CAMTA1: variants seen among roughly 807,000 people sequenced by gnomAD.
CAMTA1 encodes the protein calmodulin-binding transcription activator 1.
Under a neutral mutation model 170.9 loss-of-function variants are expected in CAMTA1, and 27 were observed. The observed-to-expected ratio is 0.16, with a 90% CI of 0.12 to 0.22. CAMTA1 has a LOEUF of 0.22. Among genes scored for constraint, CAMTA1 ranks in the 10% least tolerant of loss-of-function variants. CAMTA1 has a pLI of 1.00. For synonymous variants in CAMTA1, 833 were observed against 891.5 expected, an observed-to-expected ratio of 0.93 and a Z score of 1.17; for missense variants, 1,619 against 2,217.2, an observed-to-expected ratio of 0.73 and a Z score of 5.42.
At chr1:6,856,859 C>T (rs1662601082) in intron 3 of CAMTA1, among the ~76,000 whole-genome samples, 1 of 151,958 alleles carries the variant, frequency 6.6e-6, no homozygotes, top group South Asian at 2.1e-4. Context: ...GGAGGGGAGG[C>T]TTGCGGGCAG....
chr1:7,324,533 CT>C (rs1678982764), intron 5 of CAMTA1, among the ~76,000 whole-genome samples: 1 of 152,086 alleles, frequency 6.6e-6, no homozygotes, highest in Non-Finnish European at 1.5e-5. Flanking sequence ...TGCATGTGAT[CT>C]TTTTTCTTTC....
rs368518649 is a variant in CAMTA1 at position 7,173,678 on chromosome 1, G to A, written c.303-75813G>A. Among the ~76,000 whole-genome samples, 4 of 151,348 alleles carry A rather than the reference G, an allele frequency of 2.6e-5. No homozygotes were observed. Among genetic ancestry groups the A allele is most frequent in the African/African-American group, 4.9e-5 (2 of 41,162 alleles). On this transcript the variant is annotated intron_variant, in intron 4 of 22. Transcript: ENST00000303635. The surrounding 1 kb of genome is among the most constrained non-coding windows in gnomAD (Gnocchi z 5.4). ...GCTGAGATTACAGGCGTGAGCCACCGTGCCCAGCCCAGAGCTTAATTTTTT... is the reference window on the plus strand; with the variant it reads ...GCTGAGATTACAGGCGTGAGCCACCATGCCCAGCCCAGAGCTTAATTTTTT...
Position 7,493,997 on chromosome 1 carries a change from C to T in CAMTA1, c.510+26096C>T, listed in dbSNP as rs999651814. Among the ~76,000 whole-genome samples the T allele has an allele frequency of 3.3e-5, 5 of 152,202 alleles. No homozygotes were observed. In the East Asian group the frequency reaches 7.7e-4, roughly 24 times the overall value. ...CTCCTGCCCATCTCGGGAGGGCTAG[C>T]GGGGTAATTTAGGATGGTTGCCACT... On this transcript the variant is annotated intron_variant, in intron 6 of 22. Transcript: ENST00000303635.
At chr1:7,764,057 G>T (rs2096997675) in intron 22 of CAMTA1, among the ~76,000 whole-genome samples, 2 of 152,072 alleles carry the variant, frequency 1.3e-5, no homozygotes, top group Admixed American at 6.6e-5. Flanking sequence ...TGTTAGTATA[G>T]ATATTGCATG....
At chr1:7,686,796 G>A (rs1044842260) in intron 11 of CAMTA1, among the ~76,000 whole-genome samples, 3 of 152,152 alleles carry the variant, frequency 2.0e-5, no homozygotes. Context: ...GACAGGGTGG[G>A]TTTGGGGTTG....
Position 7,639,192 on chromosome 1 carries a change from G to T in CAMTA1, c.511-1208G>T, listed in dbSNP as rs564807160. ...GATGGGGTTTCACCGTGTTAGCCAG[G>T]ATGGTCTCGATCTTCTGACCTCGTG... On this transcript the variant is annotated intron_variant, in intron 6 of 22. Coordinates refer to ENST00000303635, the MANE Select transcript of CAMTA1 (RefSeq NM_015215.4). Among the ~76,000 whole-genome samples the T allele has an allele frequency of 3.3e-5, 5 of 151,822 alleles. No homozygotes were observed. In the South Asian group the frequency reaches 1.0e-3, roughly 32 times the overall value.
intron 3 of CAMTA1, among the ~76,000 whole-genome samples, chr1:6,929,761 T>C (rs1299671571): frequency 6.6e-6 from 1 of 152,168 alleles, no homozygotes; most frequent in African/African-American, 2.4e-5. Flanking sequence ...CCTCCCAAAG[T>C]GTTGGGATTA....
At chr1:6,962,129 G>A (rs1274179939) in intron 3 of CAMTA1, among the ~76,000 whole-genome samples, 1 of 152,206 alleles carries the variant, frequency 6.6e-6, no homozygotes, top group Non-Finnish European at 1.5e-5. Flanking sequence ...TCATGCCTCT[G>A]CCGGGGCCCC....
In CAMTA1 at chr1:7,044,523, G is replaced by T. The variant is rs564545881; in HGVS notation, c.235-46781G>T. ...CACCAGGCCTTCAGCAGGGCCATAA[G>T]CATCTGAGGCTAGGAAGGCACATGC... On this transcript the variant is annotated intron_variant, in intron 3 of 22. Transcript: ENST00000303635. The surrounding 1 kb of genome is among the most constrained non-coding windows in gnomAD (Gnocchi z 5.0). Among the ~76,000 whole-genome samples, 6 of 152,322 alleles carry T rather than the reference G, an allele frequency of 3.9e-5. No homozygotes were observed. Among genetic ancestry groups the T allele is most frequent in the African/African-American group, 1.4e-4 (6 of 41,572 alleles).
intron 3 of CAMTA1, among the ~76,000 whole-genome samples, chr1:6,907,261 TG>T (rs2149250933): frequency 6.6e-6 from 1 of 152,314 alleles, no homozygotes; most frequent in Admixed American, 6.5e-5. Flanking sequence ...GCCAGACATC[TG>T]GGCTCTGGGA....
intron 5 of CAMTA1, among the ~76,000 whole-genome samples, chr1:7,269,581 G>T (rs144674658): frequency 6.6e-6 from 1 of 152,122 alleles, no homozygotes; most frequent in Non-Finnish European, 1.5e-5. Flanking sequence ...TCTGGTTATC[G>T]CAATGGGATT....
chr1:7,262,849 G>C (rs1012076573), intron 5 of CAMTA1, among the ~76,000 whole-genome samples: 4 of 152,196 alleles, frequency 2.6e-5, no homozygotes, highest in Non-Finnish European at 4.4e-5. Context: ...CACTTCTGGT[G>C]TCTGATGAAG....
intron 3 of CAMTA1, among the ~76,000 whole-genome samples, chr1:7,085,371 C>G (rs1640603148): frequency 1.3e-5 from 2 of 152,240 alleles, no homozygotes; most frequent in Non-Finnish European, 2.9e-5. Context: ...GAGAACTTCA[C>G]AATCTCTCCT....
Position 6,785,460 on chromosome 1 carries a change from G to T in CAMTA1, c.-71G>T, listed in dbSNP as rs932955592. ...GCCAGGGCGGGTGCGCGGCGGCGGCGGGGTGGCTGGGCCGGCGGCGGCGGC... is the reference window on the plus strand; with the variant it reads ...GCCAGGGCGGGTGCGCGGCGGCGGCTGGGTGGCTGGGCCGGCGGCGGCGGC... On this transcript the variant is annotated 5_prime_UTR_variant, in exon 1 of 23. Transcript: ENST00000303635. The T allele has an allele frequency of 6.2e-6, 6 of 973,232 alleles. No homozygotes were observed. The highest frequency in any genetic ancestry group is 1.8e-5 in the African/African-American group (1 of 55,212). 60.3% of individuals were successfully genotyped at this position (973,232 alleles called of 1,614,324 possible).
chr1:7,038,040 C>T (rs948308441), intron 3 of CAMTA1, among the ~76,000 whole-genome samples: 2 of 151,832 alleles, frequency 1.3e-5, no homozygotes, highest in African/African-American at 4.8e-5. Context: ...CCTCAGTTTC[C>T]TCAACTATAA....
intron 3 of CAMTA1, among the ~76,000 whole-genome samples, chr1:7,082,941 C>T (rs778951786): frequency 1.3e-5 from 2 of 152,184 alleles, no homozygotes; most frequent in East Asian, 1.9e-4. Flanking sequence ...TTCCCAGGGC[C>T]GTTACTCATG....
Position 7,561,200 on chromosome 1 carries a change from C to T in CAMTA1, c.511-79200C>T, listed in dbSNP as rs2094952962. On this transcript the variant is annotated intron_variant, in intron 6 of 22. Coordinates refer to ENST00000303635, the MANE Select transcript of CAMTA1 (RefSeq NM_015215.4). This position sits in a 1 kb window ranked among gnomAD's most constrained non-coding sequence, Gnocchi z 5.3. ...GGGCTCCCAGCAAACCACAGCCGATCCAGGCAGGAAGAGCCCAACAGGTTC... is the reference window on the plus strand; with the variant it reads ...GGGCTCCCAGCAAACCACAGCCGATTCAGGCAGGAAGAGCCCAACAGGTTC... 6.6e-6 allele frequency among the ~76,000 whole-genome samples: 1 copy of T among 152,032 alleles called. No individual in the cohort carries two copies. Among genetic ancestry groups the T allele is most frequent in the African/African-American group, 2.4e-5 (1 of 41,400 alleles).
At chr1:7,048,076 G>A (rs1215901622) in intron 3 of CAMTA1, among the ~76,000 whole-genome samples, 1 of 152,156 alleles carries the variant, frequency 6.6e-6, no homozygotes, top group African/African-American at 2.4e-5. Flanking sequence ...TAATGGTGCA[G>A]CCTGTCTGGC....
chr1:7,263,848 A>G (rs1668519701), intron 5 of CAMTA1, among the ~76,000 whole-genome samples: 2 of 152,206 alleles, frequency 1.3e-5, no homozygotes, highest in South Asian at 4.1e-4. Context: ...CAGCAAAAGT[A>G]TTTCCAAGGC....
Sources: allele counts gnomAD v4.1 joint callset (sites outside exome capture counted in the v4.1 genomes callset), GRCh38; gene constraint gnomAD v4.1.1; non-coding constraint Gnocchi (gnomAD v3.1); transcripts MANE v1.5; gene names NCBI Gene and HGNC (gene_info 2026-07-23, HGNC 2026-07-21).